The following PCDH11X variants were observed in gnomAD, a reference collection of about 807,000 sequenced individuals.
The protein encoded by PCDH11X is protocadherin 11 X-linked.
A neutral mutation model predicts 53.3 loss-of-function variants in PCDH11X; 18 were observed. The observed-to-expected ratio is 0.34, with a 90% CI of 0.23 to 0.50. The LOEUF is 0.50. Among genes scored for constraint, PCDH11X ranks in the 20% least tolerant of loss-of-function variants. The pLI, the probability that PCDH11X is intolerant of heterozygous loss-of-function variation, is 0.98. For missense variants in PCDH11X, 570 were observed against 1,032.4 expected (o/e 0.55, Z 6.14); for synonymous variants, 279 against 393.3 (o/e 0.71, Z 3.44).
At chrX:92,288,958 A>T (rs989072124) in intron 8 of PCDH11X, among the ~76,000 whole-genome samples, 2 of 111,153 alleles carry the variant, frequency 1.8e-5, no homozygotes, top group African/African-American at 6.5e-5. Context: ...ATCCCGCTAT[A>T]ATTTCTATTT....
At chrX:91,868,699 A>C (rs1375992000) in intron 5 of PCDH11X, among the ~76,000 whole-genome samples, 1 of 111,899 alleles carries the variant, frequency 8.9e-6, no homozygotes, top group African/African-American at 3.2e-5. Flanking sequence ...TGATATTAAT[A>C]AGCAATCAGT....
chrX:92,150,947 C>T (rs2065421815), intron 6 of PCDH11X, among the ~76,000 whole-genome samples: 1 of 110,373 alleles, frequency 9.1e-6, no homozygotes, highest in Non-Finnish European at 1.9e-5. Context: ...TCATGTAAAC[C>T]GTTATACTTC....
At chrX:92,005,007 C>T (rs887195343) in intron 6 of PCDH11X, among the ~76,000 whole-genome samples, 4 of 110,396 alleles carry the variant, frequency 3.6e-5, no homozygotes, top group African/African-American at 1.3e-4. Flanking sequence ...ATCTCCTGAC[C>T]TCGTGATCCT....
intron 8 of PCDH11X, among the ~76,000 whole-genome samples, chrX:92,383,987 G>A (rs2070954251): frequency 8.9e-6 from 1 of 111,920 alleles, no homozygotes; most frequent in Non-Finnish European, 1.9e-5. Flanking sequence ...TCCAGCATCT[G>A]TTGTTTCCTG....
At chrX:92,493,646 CTT>C (rs780482413) in intron 10 of PCDH11X, among the ~76,000 whole-genome samples, 3 of 83,877 alleles carry the variant, frequency 3.6e-5, no homozygotes, top group Non-Finnish European at 2.2e-5. Context: ...GCCCCCTTAA[CTT>C]TTTTTTTTTT....
intron 6 of PCDH11X, among the ~76,000 whole-genome samples, chrX:91,991,650 G>A (rs2147943934): frequency 9.6e-6 from 1 of 104,052 alleles, no homozygotes; most frequent in Admixed American, 1.0e-4. Context: ...TCAGGAACTT[G>A]GTGTGTTCTT....
chrX:92,517,589 G>A (rs991862428), intron 10 of PCDH11X, among the ~76,000 whole-genome samples: 34 of 111,090 alleles, frequency 3.1e-4, no homozygotes, highest in African/African-American at 1.1e-3. Context: ...AAAAAGGACT[G>A]CTCATTTTAA....
chrX:92,208,778 A>G (rs2066526946), intron 7 of PCDH11X, among the ~76,000 whole-genome samples: 2 of 107,102 alleles, frequency 1.9e-5, no homozygotes, highest in Admixed American at 2.0e-4. Context: ...TGTTATAAAG[A>G]ACTACCTGAG....
chrX:92,185,212 C>A (rs1359738824), intron 6 of PCDH11X, among the ~76,000 whole-genome samples: 2 of 110,500 alleles, frequency 1.8e-5, no homozygotes, highest in African/African-American at 3.3e-5. Context: ...CACCACTGCA[C>A]TACAGCCTAG....
At chrX:91,854,141 A>T (rs1569413287) in intron 5 of PCDH11X, among the ~76,000 whole-genome samples, 2 of 110,305 alleles carry the variant, frequency 1.8e-5, no homozygotes, top group South Asian at 7.7e-4. Context: ...AATCATCCCT[A>T]CCTCCCCTGC....
At chrX:92,114,562 C>T in intron 6 of PCDH11X, 1 of 414,345 alleles carries the variant, frequency 2.4e-6, no homozygotes, top group East Asian at 4.0e-5. Flanking sequence ...AAATTGTAAA[C>T]TTTTCTAACT....
At chrX:92,001,247 C>T (rs1334687177) in intron 6 of PCDH11X, among the ~76,000 whole-genome samples, 1 of 110,976 alleles carries the variant, frequency 9.0e-6, no homozygotes, top group Non-Finnish European at 1.9e-5. Context: ...TTTGTTATTG[C>T]TTGTATTTTG....
chrX:92,001,589 C>T (rs1220709594), intron 6 of PCDH11X, among the ~76,000 whole-genome samples: 1 of 107,900 alleles, frequency 9.3e-6, no homozygotes, highest in African/African-American at 3.4e-5. Context: ...CTGCCTCAGC[C>T]TCCTGACTAG....
intron 1 of PCDH11X, among the ~76,000 whole-genome samples, chrX:91,783,186 G>A (rs1935219397): frequency 9.0e-6 from 1 of 111,594 alleles, no homozygotes; most frequent in Non-Finnish European, 1.9e-5. Flanking sequence ...TCCCTTTCAT[G>A]ACGTATAGCT....
Position 91,985,214 on chromosome X carries a change from T to C in PCDH11X, c.3033+105941T>C, listed in dbSNP as rs548308132. Among the ~76,000 whole-genome samples, 9 of 112,324 alleles carry C rather than the reference T, an allele frequency of 8.0e-5. No homozygotes were observed. The South Asian group carries it at 3.3e-3, about 41-fold the overall frequency. The stretch of plus-strand genomic sequence containing the variant: ...CTACTAGGTTTTACATGCTTAAAGT[T>C]TAATTTGTCCGGCCGGGTGTGGTGG... On this transcript the variant is annotated intron_variant, in intron 6 of 10. Transcript: ENST00000682573.
chrX:91,972,330 T>C (rs1236598524), intron 6 of PCDH11X, among the ~76,000 whole-genome samples: 3 of 90,414 alleles, frequency 3.3e-5, no homozygotes, highest in Admixed American at 1.3e-4. Flanking sequence ...TTGAGTTCAT[T>C]GTAGATTCTG....
chrX:92,132,925 C>A (rs1259455446), intron 6 of PCDH11X, among the ~76,000 whole-genome samples: 1 of 109,477 alleles, frequency 9.1e-6, no homozygotes, highest in African/African-American at 3.3e-5. Context: ...TAAATTCTGA[C>A]ATTTCTTAAT....
At chrX:92,249,566 T>G (rs1354445110) in intron 7 of PCDH11X, among the ~76,000 whole-genome samples, 1 of 112,392 alleles carries the variant, frequency 8.9e-6, no homozygotes, top group Non-Finnish European at 1.9e-5. Flanking sequence ...AAGACTAGGG[T>G]TTTGAATAAG....
At chrX:92,070,431 A>G (rs1336037249) in intron 6 of PCDH11X, among the ~76,000 whole-genome samples, 5 of 111,944 alleles carry the variant, frequency 4.5e-5, no homozygotes, top group African/African-American at 1.6e-4. Flanking sequence ...TTTTCACAAG[A>G]TATACTATTC....
Sources: gnomAD v4.1 joint callset for allele counts (sites outside exome capture counted in the v4.1 genomes callset) on GRCh38, gnomAD v4.1.1 for gene constraint, MANE v1.5 for transcripts, NCBI Gene and HGNC (gene_info 2026-07-23, HGNC 2026-07-21) for gene names.